NRG3: variants seen among roughly 807,000 people sequenced by gnomAD.
NRG3 encodes pro-neuregulin-3, membrane-bound isoform.
In NRG3, 31 loss-of-function variants were observed where a neutral mutation model predicts 66.9. The ratio of observed to expected loss-of-function variants is 0.46; its 90% CI spans 0.35 to 0.63. NRG3 has a LOEUF of 0.63. NRG3 is among the 20% of genes least tolerant of loss of function. The probability of loss-of-function intolerance (pLI) is 0.00; values close to 1 mark genes in which losing one functional copy is unlikely to be tolerated. For synonymous variants in NRG3, 393 were observed against 359.4 expected, an observed-to-expected ratio of 1.09 and a Z score of -1.06; for missense variants, 910 against 878.9, an observed-to-expected ratio of 1.04 and a Z score of -0.45.
chr10:82,902,348 AC>A (rs1309524327), intron 4 of NRG3, among the ~76,000 whole-genome samples: 4 of 152,208 alleles, frequency 2.6e-5, no homozygotes, highest in Non-Finnish European at 5.9e-5. Flanking sequence ...GTGAATAGTT[AC>A]AACAATTTGC....
Position 82,951,547 on chromosome 10 carries a change from G to C in NRG3, c.1133G>C (p.Cys378Ser), listed in dbSNP as rs192130920. Residue 378 changes from cysteine (C) to serine (S), a missense_variant, in exon 5 of 9, where the codon TGT becomes TCT. Cys to Ser is a moderately radical substitution (Grantham distance 112). Transcript: ENST00000372141. ...GGAATTGTCATCGTGGGCATGTTCT[G>C]TGCAGCATTCTACTTCAAAAGCAAG... ...IFGIVIVGMFCAAFYFKSKKQ... is the reference protein window; with the variant it reads ...IFGIVIVGMFSAAFYFKSKKQ... 1.2e-6 allele frequency: 2 copies of C among 1,613,728 alleles called. No homozygotes were observed.
intron 4 of NRG3, among the ~76,000 whole-genome samples, chr10:82,887,291 C>A (rs369287082): frequency 9.2e-5 from 14 of 152,122 alleles, no homozygotes; most frequent in East Asian, 5.8e-4. Context: ...GCATCAGCTC[C>A]GATTACGCTG....
At chr10:82,837,252 A>G (rs2135720973) in intron 3 of NRG3, among the ~76,000 whole-genome samples, 1 of 152,254 alleles carries the variant, frequency 6.6e-6, no homozygotes, top group East Asian at 1.9e-4. Flanking sequence ...CTTTGGGTTT[A>G]TACCCAGTAA....
At chr10:82,383,701 G>A (rs549794302) in intron 2 of NRG3, among the ~76,000 whole-genome samples, 32 of 151,918 alleles carry the variant, frequency 2.1e-4, no homozygotes, top group Non-Finnish European at 4.1e-4. Flanking sequence ...CAAAGTTTAT[G>A]TTACAGTAAT....
intron 2 of NRG3, among the ~76,000 whole-genome samples, chr10:82,510,739 T>C (rs604213): frequency 0.34 from 51,917 of 152,062 alleles, 10,037 homozygotes; most frequent in African/African-American, 0.53. Context: ...CTTTCTTTTT[T>C]CTTTCTGCTA....
At chr10:82,398,526 TGAGAGAGA>T (rs10690548) in intron 2 of NRG3, among the ~76,000 whole-genome samples, 5 of 136,518 alleles carry the variant, frequency 3.7e-5, no homozygotes, top group African/African-American at 1.5e-4. Context: ...TGTGTGTGTG[TGAGAGAGA>T]GAGAGAGAGA....
chr10:82,111,951 G>T (rs1590157347), intron 1 of NRG3, among the ~76,000 whole-genome samples: 1 of 152,186 alleles, frequency 6.6e-6, no homozygotes, highest in East Asian at 1.9e-4. Flanking sequence ...GCAAATATAA[G>T]AATGTCTTAG....
intron 2 of NRG3, among the ~76,000 whole-genome samples, chr10:82,411,654 T>A (rs896892502): frequency 6.6e-5 from 10 of 152,146 alleles, no homozygotes; most frequent in African/African-American, 2.4e-4. Flanking sequence ...CATTTGAGTA[T>A]TTACTCTGAG....
At chr10:82,335,069 A>G (rs1021795818) in intron 1 of NRG3, among the ~76,000 whole-genome samples, 10 of 152,228 alleles carry the variant, frequency 6.6e-5, no homozygotes, top group African/African-American at 1.9e-4. Flanking sequence ...TTATGCCAAC[A>G]ATCAGCCCAC....
chr10:82,917,739 T>C lies in NRG3; in HGVS notation c.1055-33730T>C, dbSNP rs545793029. On this transcript the variant is annotated intron_variant, in intron 4 of 8. Transcript: ENST00000372141. ...GCTAATAATGAAGTCTCTTGCTGCC[T>C]AGAAGTCTTGGAGCTAGGAGCTTGG... Among the ~76,000 whole-genome samples the C allele has an allele frequency of 2.0e-5, 3 of 152,138 alleles. 1 individual carries two copies. The South Asian group carries it at 6.2e-4, about 32-fold the overall frequency.
intron 2 of NRG3, among the ~76,000 whole-genome samples, chr10:82,451,363 G>A (rs777375056): frequency 6.6e-6 from 1 of 151,994 alleles, no homozygotes; most frequent in African/African-American, 2.4e-5. Context: ...ATCCTAGAAG[G>A]CCTCCAGTAC....
chr10:82,818,698 C>T (rs929133661), intron 3 of NRG3, among the ~76,000 whole-genome samples: 1 of 152,140 alleles, frequency 6.6e-6, no homozygotes, highest in African/African-American at 2.4e-5. Context: ...TCCAGGGCTG[C>T]ACAGATCGAT....
chr10:82,281,081 C>T (rs1195253755), intron 1 of NRG3, among the ~76,000 whole-genome samples: 1 of 152,120 alleles, frequency 6.6e-6, no homozygotes, highest in Admixed American at 6.6e-5. Context: ...ATGGAAATAA[C>T]CCTGGGATTA....
chr10:82,346,260 A>G (rs2135445720), intron 1 of NRG3, among the ~76,000 whole-genome samples: 1 of 150,580 alleles, frequency 6.6e-6, no homozygotes, highest in African/African-American at 2.5e-5. Flanking sequence ...ATTTATTGAG[A>G]GTTTTTAGCA....
chr10:82,320,461 G>C (rs1472312098), intron 1 of NRG3, among the ~76,000 whole-genome samples: 1 of 152,140 alleles, frequency 6.6e-6, no homozygotes, highest in African/African-American at 2.4e-5. Flanking sequence ...CTAAATCTGG[G>C]TCAGAACTCA....
chr10:82,426,014 C>G (rs1247141302), intron 2 of NRG3, among the ~76,000 whole-genome samples: 1 of 152,144 alleles, frequency 6.6e-6, no homozygotes, highest in African/African-American at 2.4e-5. Context: ...CTTGGCTTTC[C>G]ACCTTCCTCT....
At chr10:82,365,979 T>G (rs571352162) in intron 2 of NRG3, among the ~76,000 whole-genome samples, 1 of 152,236 alleles carries the variant, frequency 6.6e-6, no homozygotes, top group Admixed American at 6.5e-5. Flanking sequence ...TATCCAAGAA[T>G]TGACACAAAT....
intron 1 of NRG3, among the ~76,000 whole-genome samples, chr10:82,329,953 A>T (rs74395970): frequency 0.015 from 2,238 of 152,196 alleles, 19 homozygotes; most frequent in Middle Eastern, 0.031. Context: ...AACCATACCT[A>T]GCCTCTGCGG....
At position 81,949,674 on chromosome 10, in the gene NRG3, T is replaced by A. The variant is rs1476981530; in HGVS notation, c.823+73511T>A. ...GGGGCAATATGTGAAAAAAACACGTTATGAGAATGTTTCACATTTAGACCT... is the reference window on the plus strand; with the variant it reads ...GGGGCAATATGTGAAAAAAACACGTAATGAGAATGTTTCACATTTAGACCT... On this transcript the variant is annotated intron_variant, in intron 1 of 8. Coordinates refer to ENST00000372141, the MANE Select transcript of NRG3 (RefSeq NM_001010848.4). Among the ~76,000 whole-genome samples the A allele has an allele frequency of 2.0e-5, 3 of 152,158 alleles. No individual in the cohort carries two copies. The South Asian group carries it at 6.2e-4, about 31-fold the overall frequency.
Sources: gnomAD v4.1 joint callset for allele counts (sites outside exome capture counted in the v4.1 genomes callset) on GRCh38, gnomAD v4.1.1 for gene constraint, MANE v1.5 for transcripts, NCBI Gene and HGNC (gene_info 2026-07-23, HGNC 2026-07-21) for gene names.